The following NRXN2 variants were observed in gnomAD, a reference collection of about 807,000 sequenced individuals.
NRXN2 encodes the protein neurexin 2, also known as neurexin-2-beta.
Under a neutral mutation model 128.8 loss-of-function variants are expected in NRXN2, and 29 were observed. The observed-to-expected ratio is 0.23, with a 90% CI of 0.17 to 0.31. NRXN2 has a LOEUF of 0.31. NRXN2 is among the 10% of genes least tolerant of loss of function. NRXN2 has a pLI of 1.00. For synonymous variants in NRXN2, 1,098 were observed against 1,075.2 expected, an observed-to-expected ratio of 1.02 and a Z score of -0.41; for missense variants, 1,881 against 2,452.6, an observed-to-expected ratio of 0.77 and a Z score of 4.92.
chr11:64,711,450 T>A (rs1291701486), intron 2 of NRXN2, among the ~76,000 whole-genome samples: 1 of 152,058 alleles, frequency 6.6e-6, no homozygotes, highest in Non-Finnish European at 1.5e-5. Flanking sequence ...CAGACCCTAA[T>A]GGAAGAGGCT....
intron 11 of NRXN2, among the ~76,000 whole-genome samples, chr11:64,655,705 G>A (rs1341853867): frequency 6.6e-6 from 1 of 152,158 alleles, no homozygotes; most frequent in African/African-American, 2.4e-5. Context: ...GCCCACCCCT[G>A]CAGAGACTCC....
At chr11:64,704,514 T>C (rs12269736) in intron 2 of NRXN2, among the ~76,000 whole-genome samples, 39,852 of 151,558 alleles carry the variant, frequency 0.26, 5,853 homozygotes, top group East Asian at 0.48. Context: ...ATAGGACCTC[T>C]CAGGCCCTAG....
At chr11:64,715,985 G>T (rs748596945) in intron 1 of NRXN2, among the ~76,000 whole-genome samples, 1 of 151,834 alleles carries the variant, frequency 6.6e-6, no homozygotes, top group Non-Finnish European at 1.5e-5. Context: ...CTCAGGCATG[G>T]GGGGAGGGAA....
intron 9 of NRXN2, among the ~76,000 whole-genome samples, chr11:64,662,461 C>T (rs1288949201): frequency 1.3e-5 from 2 of 152,156 alleles, no homozygotes; most frequent in African/African-American, 4.8e-5. Context: ...CTTCCTCTGT[C>T]CTTTTTCAAG....
chr11:64,637,984 G>A (rs923246294), intron 17 of NRXN2, among the ~76,000 whole-genome samples: 1 of 151,980 alleles, frequency 6.6e-6, no homozygotes, highest in Non-Finnish European at 1.5e-5. Context: ...CACAGGCGGC[G>A]ACGCACCCAG....
At chr11:64,618,575 G>A (rs773824070) in intron 22 of NRXN2, among the ~76,000 whole-genome samples, 1 of 152,324 alleles carries the variant, frequency 6.6e-6, no homozygotes, top group Admixed American at 6.5e-5. Flanking sequence ...ACCAATAAAC[G>A]CCTAGAGCTC....
chr11:64,702,971 TAAAAAAAAAAAAA>T (rs557268486), intron 2 of NRXN2, among the ~76,000 whole-genome samples: 1 of 51,136 alleles, frequency 2.0e-5, no homozygotes, highest in Non-Finnish European at 3.8e-5. Context: ...CCCAGGTCTC[TAAAAAAAAAAAAA>T]AAAAAAAAAA....
intron 22 of NRXN2, among the ~76,000 whole-genome samples, chr11:64,619,003 C>T (rs1033872971): frequency 2.6e-5 from 4 of 152,288 alleles, no homozygotes; most frequent in Admixed American, 2.0e-4. Context: ...TATGGTCCTG[C>T]TCTATCCACA....
chr11:64,630,908 A>G lies in NRXN2; in HGVS notation c.3586-335T>C, dbSNP rs1202876744. On this transcript the variant is annotated intron_variant, in intron 18 of 22. Coordinates refer to ENST00000265459, the MANE Select transcript of NRXN2 (RefSeq NM_015080.4). The surrounding 1 kb of genome is among the most constrained non-coding windows in gnomAD (Gnocchi z 4.6). ...GGCCCAGACAGGGGTGATCGGGCCA[A>G]GCTGGGGACCAGCTCGGGGCATGGA... Among the ~76,000 whole-genome samples the G allele has an allele frequency of 6.6e-6, 1 of 152,222 alleles. No homozygotes were observed. Among genetic ancestry groups the G allele is most frequent in the African/African-American group, 2.4e-5 (1 of 41,466 alleles).
At chr11:64,703,970 A>G (rs2055847004) in intron 2 of NRXN2, among the ~76,000 whole-genome samples, 1 of 152,230 alleles carries the variant, frequency 6.6e-6, no homozygotes, top group African/African-American at 2.4e-5. Flanking sequence ...GGTTCAAACC[A>G]TGGCAGCCTA....
In NRXN2 at chr11:64,630,633, G is replaced by A. The variant is rs1591618346; in HGVS notation, c.3586-60C>T. On this transcript the variant is annotated intron_variant, in intron 18 of 22. Coordinates refer to ENST00000265459, the MANE Select transcript of NRXN2 (RefSeq NM_015080.4). The surrounding 1 kb of genome is among the most constrained non-coding windows in gnomAD (Gnocchi z 4.6). ...GGAGCAACCATTCATCCCTTCTAGT[G>A]GCTACTCCTGTGACCACCACTAGCC... The A allele has an allele frequency of 3.1e-6, 5 of 1,593,388 alleles. No homozygotes were observed. Among genetic ancestry groups the A allele is most frequent in the East Asian group, 4.5e-5 (2 of 44,580 alleles).
chr11:64,629,413 A>T (rs749269274), intron 19 of NRXN2, among the ~76,000 whole-genome samples: 14 of 151,968 alleles, frequency 9.2e-5, no homozygotes, highest in Non-Finnish European at 1.9e-4. Context: ...CCTGCATGTC[A>T]GCATCTCCAT....
At chr11:64,684,361 G>T (rs1032635927) in intron 6 of NRXN2, among the ~76,000 whole-genome samples, 1 of 152,088 alleles carries the variant, frequency 6.6e-6, no homozygotes, top group Non-Finnish European at 1.5e-5. Context: ...TTGGGTAAAG[G>T]GATGATTTGA....
At chr11:64,668,373 C>T in intron 8 of NRXN2, 70 bp downstream of exon 8, 9 of 1,592,720 alleles carry the variant, frequency 5.7e-6, no homozygotes, top group Non-Finnish European at 7.7e-6. Context: ...CCAGGTCAGA[C>T]TAAGTCACGC....
intron 21 of NRXN2, among the ~76,000 whole-genome samples, chr11:64,620,905 C>T (rs1055682191): frequency 2.0e-5 from 3 of 151,338 alleles, no homozygotes; most frequent in Non-Finnish European, 2.9e-5. Context: ...GTTGCCATGA[C>T]GACAAGAGAA....
At position 64,630,420 on chromosome 11, in the gene NRXN2, T is replaced by A; in HGVS notation, c.3739A>T (p.Asn1247Tyr). Residue 1247 changes from asparagine (N) to tyrosine (Y), a missense_variant, in exon 19 of 23, where the codon AAC becomes TAC. By Grantham distance (143) the Asn-to-Tyr change is moderately radical. Coordinates refer to ENST00000265459, the MANE Select transcript of NRXN2 (RefSeq NM_015080.4). The surrounding 1 kb of genome is among the most constrained non-coding windows in gnomAD (Gnocchi z 4.6). ...CGCCTACCTGCCGGGTACCGCTCGTTGACCGGCCAGCTGTCCACCTGCAGG... is the reference window on the plus strand; with the variant it reads ...CGCCTACCTGCCGGGTACCGCTCGTAGACCGGCCAGCTGTCCACCTGCAGG... The part of the protein sequence containing the change: ...ATLQVDSWPV[N>Y]ERYPAGNFDN... The A allele has an allele frequency of 6.2e-7, 1 of 1,612,590 alleles. No individual in the cohort carries two copies. Among genetic ancestry groups the A allele is most frequent in the Non-Finnish European group, 8.5e-7 (1 of 1,179,644 alleles).
rs374299939 is a variant in NRXN2 at position 64,651,435 on chromosome 11, C to T, written c.2738G>A (p.Arg913His). ...GGTGACGGGATCGGCCACGATGGCA[C>T]GCAGGCCAAAGCGAGCATTGAGCTC... ...YCELNARFGLRAIVADPVTFK... is the reference protein window; with the variant it reads ...YCELNARFGLHAIVADPVTFK... The change falls in exon 14 of 23, where the codon CGT becomes CAT. Residue 913 changes from arginine (R) to histidine (H), a missense_variant. Around this residue, in one of 7 missense-constraint regions of NRXN2, gnomAD observed 390 missense variants for 599.6 expected, o/e 0.65. Coordinates refer to ENST00000265459, the MANE Select transcript of NRXN2 (RefSeq NM_015080.4). The surrounding 1 kb of genome is among the most constrained non-coding windows in gnomAD (Gnocchi z 5.9). 38 of 1,614,050 alleles carry T rather than the reference C, an allele frequency of 2.4e-5. No individual in the cohort carries two copies. Among genetic ancestry groups the T allele is most frequent in the Non-Finnish European group, 3.0e-5 (35 of 1,180,034 alleles).
At chr11:64,716,885 T>C (rs574724560) in intron 1 of NRXN2, among the ~76,000 whole-genome samples, 6 of 152,166 alleles carry the variant, frequency 3.9e-5, no homozygotes, top group Non-Finnish European at 5.9e-5. Flanking sequence ...GTCCTTTCCA[T>C]TCCCCCGCCC....
chr11:64,648,939 A>G lies in NRXN2; in HGVS notation c.3110-32T>C. 6.2e-7 allele frequency: 1 copy of G among 1,612,478 alleles called. No individual in the cohort carries two copies. On this transcript the variant is annotated intron_variant, in intron 15 of 22. Transcript: ENST00000265459. The surrounding 1 kb of genome is among the most constrained non-coding windows in gnomAD (Gnocchi z 4.1). The stretch of plus-strand genomic sequence containing the variant: ...AGGGAGTGGGTCAACCAAGGCATCC[A>G]GGTCCCCATTCCCATCCCAAGACAA...
Sources: allele counts gnomAD v4.1 joint callset (sites outside exome capture counted in the v4.1 genomes callset), GRCh38; gene constraint gnomAD v4.1.1; regional missense constraint gnomAD v4.1.1; non-coding constraint Gnocchi (gnomAD v3.1); transcripts MANE v1.5; gene names NCBI Gene and HGNC (gene_info 2026-07-23, HGNC 2026-07-21).